EXOC6B: variants seen among roughly 807,000 people sequenced by gnomAD.
EXOC6B encodes the protein SEC15 homolog B.
Under a neutral mutation model 113.5 loss-of-function variants are expected in EXOC6B, and 54 were observed. That is an observed-to-expected ratio of 0.48 (90% CI 0.38 to 0.60). The LOEUF is 0.60. EXOC6B is among the 20% of genes least tolerant of loss of function. The probability of loss-of-function intolerance (pLI) is 0.00; values close to 1 mark genes in which losing one functional copy is unlikely to be tolerated. For missense variants in EXOC6B, 797 were observed against 977.5 expected (o/e 0.82, Z 2.46); for synonymous variants, 357 against 339.0 (o/e 1.05, Z -0.58).
chr2:72,214,352 G>A (rs947897706), intron 20 of EXOC6B, among the ~76,000 whole-genome samples: 19 of 151,996 alleles, frequency 1.3e-4, no homozygotes, highest in South Asian at 2.1e-4. Context: ...TTAGCCGGGC[G>A]TGGTGGCGGG....
At chr2:72,486,322 TCAGGCCACTGCACTC>T (rs1165317709) in intron 16 of EXOC6B, among the ~76,000 whole-genome samples, 2 of 150,504 alleles carry the variant, frequency 1.3e-5, no homozygotes, top group African/African-American at 4.9e-5. Flanking sequence ...TGAACCGAGA[TCAGGCCACTGCACTC>T]CAGCCTGAGA....
chr2:72,306,931 T>G (rs964223718), intron 20 of EXOC6B, among the ~76,000 whole-genome samples: 33 of 152,206 alleles, frequency 2.2e-4, no homozygotes, highest in African/African-American at 7.7e-4. Flanking sequence ...TACTTTCATG[T>G]TGCTTTTTTA....
chr2:72,777,144 G>A (rs1235249130), intron 1 of EXOC6B, among the ~76,000 whole-genome samples: 1 of 152,186 alleles, frequency 6.6e-6, no homozygotes, highest in African/African-American at 2.4e-5. Context: ...GGGAGGCTAA[G>A]GCAGGAGAAT....
intron 20 of EXOC6B, among the ~76,000 whole-genome samples, chr2:72,267,290 T>G (rs1237518994): frequency 1.3e-5 from 2 of 152,190 alleles, no homozygotes; most frequent in African/African-American, 4.8e-5. Flanking sequence ...TTTCCAACAC[T>G]ATGTTGAATA....
intron 18 of EXOC6B, among the ~76,000 whole-genome samples, chr2:72,388,689 C>G (rs1192844307): frequency 1.3e-5 from 2 of 151,992 alleles, no homozygotes; most frequent in Admixed American, 1.3e-4. Context: ...TTTGTCTATT[C>G]ATCTTTTCAG....
intron 1 of EXOC6B, among the ~76,000 whole-genome samples, chr2:72,801,273 G>A (rs1685255689): frequency 6.6e-6 from 1 of 152,020 alleles, no homozygotes; most frequent in African/African-American, 2.4e-5. Flanking sequence ...TTCTGTGTAT[G>A]TTTGATAACA....
At chr2:72,345,524 G>GA (rs1437199193) in intron 19 of EXOC6B, among the ~76,000 whole-genome samples, 3 of 152,120 alleles carry the variant, frequency 2.0e-5, no homozygotes, top group Admixed American at 6.6e-5. Flanking sequence ...ATCAAGCTAT[G>GA]AAAAAACACA....
In EXOC6B at chr2:72,575,610, T is replaced by C. The variant is rs1188590676; in HGVS notation, c.728A>G (p.Lys243Arg). ...IVLQQPRIGS[K>R]RKSKKDAYII... ...ATATGCATCTTTCTTAGATTTCCTC[T>C]TGCTACCTATTCTGGGTTGTTGCAA... The change falls in exon 7 of 22, where the codon AAG (lysine) becomes AGG (arginine). Residue 243 changes from lysine to arginine, a missense_variant. Transcript: ENST00000272427. The C allele has an allele frequency of 7.5e-6, 12 of 1,610,246 alleles. No homozygotes were observed. Among genetic ancestry groups the C allele is most frequent in the Non-Finnish European group, 1.0e-5 (12 of 1,178,536 alleles).
chr2:72,249,784 T>G (rs1416031538), intron 20 of EXOC6B, among the ~76,000 whole-genome samples: 2 of 152,144 alleles, frequency 1.3e-5, no homozygotes, highest in East Asian at 3.9e-4. Context: ...AGGAAAAAAA[T>G]TATCTTCTTC....
intron 6 of EXOC6B, among the ~76,000 whole-genome samples, chr2:72,598,161 GCATAGCA>G (rs1381248478): frequency 7.3e-5 from 11 of 151,710 alleles, no homozygotes; most frequent in Non-Finnish European, 1.5e-4. Context: ...ATTCACCAAG[GCATAGCA>G]CACTGATGGC....
intron 20 of EXOC6B, among the ~76,000 whole-genome samples, chr2:72,327,648 T>C (rs2104852850): frequency 6.6e-6 from 1 of 152,174 alleles, no homozygotes; most frequent in South Asian, 2.1e-4. Flanking sequence ...TTTCATGAGG[T>C]CCTGGTCTGC....
intron 20 of EXOC6B, among the ~76,000 whole-genome samples, chr2:72,201,111 CAT>C (rs1553464444): frequency 6.6e-6 from 1 of 151,964 alleles, no homozygotes; most frequent in Non-Finnish European, 1.5e-5. Flanking sequence ...CACACACACA[CAT>C]ACTAGGCATA....
chr2:72,510,389 C>T (rs956055073), intron 11 of EXOC6B, among the ~76,000 whole-genome samples: 2 of 151,558 alleles, frequency 1.3e-5, no homozygotes, highest in African/African-American at 4.8e-5. Flanking sequence ...TAAGTCCTTA[C>T]ACATAACCAT....
chr2:72,744,915 T>G (rs745453038), intron 1 of EXOC6B, among the ~76,000 whole-genome samples: 8 of 152,194 alleles, frequency 5.3e-5, no homozygotes, highest in Admixed American at 1.3e-4. Flanking sequence ...GGATTTTAGC[T>G]GCCTGACTAT....
chr2:72,508,735 T>C (rs1030773633), intron 11 of EXOC6B, among the ~76,000 whole-genome samples: 2 of 151,946 alleles, frequency 1.3e-5, no homozygotes, highest in South Asian at 2.1e-4. Flanking sequence ...GATCGCACCA[T>C]TGTGCTCCAG....
intron 6 of EXOC6B, among the ~76,000 whole-genome samples, chr2:72,582,597 C>G (rs1349774021): frequency 2.6e-5 from 4 of 151,488 alleles, no homozygotes; most frequent in Non-Finnish European, 5.9e-5. Context: ...TGAAATGGCA[C>G]AATCTTGGCT....
At chr2:72,758,899 T>C (rs1303068157) in intron 1 of EXOC6B, among the ~76,000 whole-genome samples, 1 of 152,234 alleles carries the variant, frequency 6.6e-6, no homozygotes, top group Non-Finnish European at 1.5e-5. Flanking sequence ...GATCCCTTTT[T>C]CTCCTTCTCC....
chr2:72,577,893 C>G (rs903957139), intron 6 of EXOC6B, among the ~76,000 whole-genome samples: 9 of 152,006 alleles, frequency 5.9e-5, no homozygotes, highest in Non-Finnish European at 1.2e-4. Context: ...GGAATACAAA[C>G]AGCAGCTAGA....
At chr2:72,292,902 A>T (rs1378043527) in intron 20 of EXOC6B, among the ~76,000 whole-genome samples, 1 of 152,190 alleles carries the variant, frequency 6.6e-6, no homozygotes, top group Admixed American at 6.5e-5. Flanking sequence ...TCTATTGTAC[A>T]GATGGGCCAC....
Sources: allele counts gnomAD v4.1 joint callset (sites outside exome capture counted in the v4.1 genomes callset), GRCh38; gene constraint gnomAD v4.1.1; transcripts MANE v1.5; gene names NCBI Gene and HGNC (gene_info 2026-07-23, HGNC 2026-07-21).